ANKRD13B: variants seen among roughly 807,000 people sequenced by gnomAD.
The protein encoded by ANKRD13B is ankyrin repeat domain 13B, also known as ankyrin repeat domain-containing protein 13B.
Under a neutral mutation model 74.4 loss-of-function variants are expected in ANKRD13B, and 33 were observed. The observed-to-expected ratio is 0.44, with a 90% CI of 0.34 to 0.59. ANKRD13B has a LOEUF of 0.59. ANKRD13B is among the 20% of genes least tolerant of loss of function. ANKRD13B has a pLI of 0.02. For missense variants in ANKRD13B, 676 were observed against 877.9 expected, an observed-to-expected ratio of 0.77 and a Z score of 2.91; for synonymous variants, 341 against 362.9, an observed-to-expected ratio of 0.94 and a Z score of 0.68.
chr17:29,610,867 A>G (rs771782795), intron 8 of ANKRD13B, 101 bp downstream of exon 8: 25 of 1,165,648 alleles, frequency 2.1e-5, no homozygotes, highest in Non-Finnish European at 3.0e-5. Context: ...TCCTAGCAAG[A>G]GGCTGGATGC....
At chr17:29,604,124 C>A (rs1331915493) in intron 1 of ANKRD13B, among the ~76,000 whole-genome samples, 1 of 152,070 alleles carries the variant, frequency 6.6e-6, no homozygotes, top group Non-Finnish European at 1.5e-5. Context: ...TGATGTTAAG[C>A]ATCTGGATTT....
At chr17:29,601,332 G>A (rs1400648238) in intron 1 of ANKRD13B, among the ~76,000 whole-genome samples, 30 of 148,744 alleles carry the variant, frequency 2.0e-4, no homozygotes, top group Non-Finnish European at 1.5e-5. Flanking sequence ...AGCGATTCTT[G>A]TGCCTCAGCC....
chr17:29,613,148 T>C (rs1444338227), intron 14 of ANKRD13B, 185 bp downstream of exon 14: 4 of 1,155,940 alleles, frequency 3.5e-6, no homozygotes, highest in Admixed American at 2.6e-5. Context: ...ACCGCGGAGT[T>C]CAGACTCTCC....
At chr17:29,604,614 T>A (rs1002954740) in intron 1 of ANKRD13B, among the ~76,000 whole-genome samples, 1 of 151,884 alleles carries the variant, frequency 6.6e-6, no homozygotes, top group Non-Finnish European at 1.5e-5. Flanking sequence ...CAGTCTTGGC[T>A]CACTGCAACC....
Position 29,608,870 on chromosome 17 carries a change from C to A in ANKRD13B, c.441C>A (p.Ile147=). Residue 147 remains isoleucine (I), a synonymous_variant, in exon 5 of 15, where the codon ATC becomes ATA. Transcript: ENST00000394859. This position sits in a 1 kb window ranked among gnomAD's most constrained non-coding sequence, Gnocchi z 6.4. Reference sequence around the variant, plus strand: ...CACCAGTGCCCCTGGTGTCCAAGATCTGCCCTAGTGACACCTACAAAGTGT... The same window carrying A: ...CACCAGTGCCCCTGGTGTCCAAGATATGCCCTAGTGACACCTACAAAGTGT... ...FTSWVPLVSK[I]CPSDTYKVWK... is the part of the protein sequence containing the mutation. The A allele has an allele frequency of 6.2e-7, 1 of 1,614,146 alleles. No homozygotes were observed. Among genetic ancestry groups the A allele is most frequent in the Non-Finnish European group, 8.5e-7 (1 of 1,180,036 alleles).
intron 1 of ANKRD13B, among the ~76,000 whole-genome samples, chr17:29,601,225 T>C (rs1233029151): frequency 7.5e-6 from 1 of 132,882 alleles, no homozygotes; most frequent in African/African-American, 2.6e-5. Context: ...CCTGACATTC[T>C]TTTTTTTTTT....
rs761534372 is a variant in ANKRD13B at position 29,607,754 on chromosome 17, C to G, written c.127C>G (p.Gln43Glu). 9 of 1,599,238 alleles carry G rather than the reference C, an allele frequency of 5.6e-6. No individual in the cohort carries two copies. The highest frequency in any genetic ancestry group is 7.6e-6 in the Non-Finnish European group (9 of 1,179,146). Residue 43 changes from glutamine to glutamate, a missense_variant, in exon 2 of 15, where the codon CAG becomes GAG. Coordinates refer to ENST00000394859, the MANE Select transcript of ANKRD13B (RefSeq NM_152345.5). The stretch of plus-strand genomic sequence containing the variant: ...CCTCCTCCTCCAGGTGGACATCGAG[C>G]AGCTGGATCCCCGCGGCCGGACTCC... ...EVRAGQVDIE[Q>E]LDPRGRTPLH...
intron 1 of ANKRD13B, among the ~76,000 whole-genome samples, chr17:29,599,841 C>T (rs1000758550): frequency 7.2e-6 from 1 of 138,314 alleles, no homozygotes; most frequent in Non-Finnish European, 1.5e-5. Flanking sequence ...AGAGAATTTC[C>T]TCTGGGTTCT....
chr17:29,607,948 A>C, intron 2 of ANKRD13B, 38 bp from the exon 3 acceptor site: 1 of 1,580,172 alleles, frequency 6.3e-7, no homozygotes, highest in Non-Finnish European at 8.6e-7. Flanking sequence ...GGTTGGCTGA[A>C]GGGTCCTGCC....
chr17:29,611,485 C>T lies in ANKRD13B; in HGVS notation c.905-94C>T. 7.4e-7 allele frequency: 1 copy of T among 1,358,554 alleles called. No homozygotes were observed. The highest frequency in any genetic ancestry group is 1.0e-6 in the Non-Finnish European group (1 of 953,636). 84.2% of individuals were successfully genotyped at this position (1,358,554 alleles called of 1,614,324 possible). A position where few individuals can be genotyped will look rare whatever the true frequency, so the allele number is the denominator to read the frequency against. ...GAGCAGGCCCCACCCCAGGAACCGG[C>T]CTCCTCCCTAGGTCTTGGGTGCTGT... On this transcript the variant is annotated intron_variant, in intron 8 of 14. Coordinates refer to ENST00000394859, the MANE Select transcript of ANKRD13B (RefSeq NM_152345.5). The surrounding 1 kb of genome is among the most constrained non-coding windows in gnomAD (Gnocchi z 4.3).
At position 29,593,246 on chromosome 17, in the gene ANKRD13B, TCCCCGGGGCCCGCGTCCCGTGCGC is replaced by T. The variant is rs946220800; in HGVS notation, c.-370_-347del. On this transcript the variant is annotated 5_prime_UTR_variant, in exon 1 of 15. Coordinates refer to ENST00000394859, the MANE Select transcript of ANKRD13B (RefSeq NM_152345.5). ...GCGGGCGCGCGTCCCTGCGGCGGCG[TCCCCGGGGCCCGCGTCCCGTGCGC>T]CCCCGCGCCCGCTGCGGGCGCCTGC... Among the ~76,000 whole-genome samples the T allele has an allele frequency of 6.8e-6, 1 of 147,254 alleles. No homozygotes were observed. Among genetic ancestry groups the T allele is most frequent in the Non-Finnish European group, 1.5e-5 (1 of 66,296 alleles).
At position 29,608,334 on chromosome 17, in the gene ANKRD13B, C is replaced by T. The variant is rs527684286; in HGVS notation, c.421+94C>T. 1.0e-5 allele frequency: 16 copies of T among 1,536,330 alleles called. No homozygotes were observed. The highest frequency in any genetic ancestry group is 3.5e-5 in the South Asian group (3 of 85,060). On this transcript the variant is annotated intron_variant, in intron 4 of 14. Transcript: ENST00000394859. The surrounding 1 kb of genome is among the most constrained non-coding windows in gnomAD (Gnocchi z 6.4). ...GAATGTGTTCTCATAGTTCTTCCGG[C>T]GGTTCCCTCTATGCCTTAGCTCAGC...
At chr17:29,599,861 A>ATTTTT (rs1197088972) in intron 1 of ANKRD13B, among the ~76,000 whole-genome samples, 5 of 54,854 alleles carry the variant, frequency 9.1e-5, no homozygotes, top group African/African-American at 2.7e-4. Context: ...TTAGCATCTA[A>ATTTTT]TTTGTTTTTT....
rs762128942 is a variant in ANKRD13B, at chr17:29,611,643, G to A, written c.969G>A (p.Gly323=). ...IAEQHGGPQN[G]TLITQTLSQA... ...AGCAGCACGGGGGCCCCCAAAATGG[G>A]GTGAGTGTGTGCAGGGGTACCCGTA... The change falls in exon 9 of 15, where the codon GGG becomes GGA. Residue 323 remains glycine, a splice_region_variant and synonymous_variant. Transcript: ENST00000394859. This position sits in a 1 kb window ranked among gnomAD's most constrained non-coding sequence, Gnocchi z 4.3. 1 of 1,614,074 alleles carries A rather than the reference G, an allele frequency of 6.2e-7. No homozygotes were observed. Among genetic ancestry groups the A allele is most frequent in the South Asian group, 1.1e-5 (1 of 91,086 alleles).
rs1400073803 is a variant in ANKRD13B at position 29,610,687 on chromosome 17, G to A, written c.825G>A (p.Val275=). ...GCCCTTTCTTCATCTGTCCCCAGGT[G>A]TATGGGGCATCTAACGTGGAGCTCA... is the stretch of plus-strand genomic sequence containing the variant. The part of the protein sequence containing the change: ...TEMVNGYEAK[V]YGASNVELIT... Residue 275 remains valine (V), a splice_region_variant and synonymous_variant, in exon 8 of 15, where the codon GTG becomes GTA. Coordinates refer to ENST00000394859, the MANE Select transcript of ANKRD13B (RefSeq NM_152345.5). The A allele has an allele frequency of 3.1e-6, 5 of 1,613,934 alleles. No homozygotes were observed. In the South Asian group the frequency reaches 3.3e-5, roughly 11 times the overall value.
intron 1 of ANKRD13B, among the ~76,000 whole-genome samples, chr17:29,602,258 G>A (rs951971965): frequency 6.6e-6 from 1 of 152,168 alleles, no homozygotes; most frequent in Non-Finnish European, 1.5e-5. Context: ...AGCCGGGCGT[G>A]GTGGTGGGTG....
rs754555763 is a variant in ANKRD13B, at chr17:29,609,018, A to G, written c.565+24A>G. ...AGGTCAGGCAGGCAGGAAGTGGGGC[A>G]GGGTGGGGACGATGGGAGGCAGCCC... On this transcript the variant is annotated intron_variant, in intron 5 of 14. Coordinates refer to ENST00000394859, the MANE Select transcript of ANKRD13B (RefSeq NM_152345.5). This position sits in a 1 kb window ranked among gnomAD's most constrained non-coding sequence, Gnocchi z 4.0. The G allele has an allele frequency of 1.9e-6, 3 of 1,613,846 alleles. No homozygotes were observed. Among genetic ancestry groups the G allele is most frequent in the Non-Finnish European group, 1.7e-6 (2 of 1,180,004 alleles).
Position 29,609,619 on chromosome 17 carries a change from G to GCACACA in ANKRD13B, c.822+209_822+214dup, listed in dbSNP as rs140086609. 2.6e-5 allele frequency among the ~76,000 whole-genome samples: 4 copies of GCACACA among 151,628 alleles called. No individual in the cohort carries two copies. Among genetic ancestry groups the GCACACA allele is most frequent in the Non-Finnish European group, 5.9e-5 (4 of 67,828 alleles). On this transcript the variant is annotated intron_variant, in intron 7 of 14. Transcript: ENST00000394859. This position sits in a 1 kb window ranked among gnomAD's most constrained non-coding sequence, Gnocchi z 4.0. ...ATGTATACACAGGGCACGTGCACAC[G>GCACACA]CACACACACACACACATTTATTCCT...
intron 1 of ANKRD13B, among the ~76,000 whole-genome samples, chr17:29,606,560 A>C (rs957126607): frequency 3.3e-5 from 5 of 151,218 alleles, no homozygotes; most frequent in African/African-American, 1.2e-4. Flanking sequence ...TCTGTCTCAA[A>C]AAACAAACAA....
Sources: allele counts gnomAD v4.1 joint callset (sites outside exome capture counted in the v4.1 genomes callset), GRCh38; gene constraint gnomAD v4.1.1; non-coding constraint Gnocchi (gnomAD v3.1); transcripts MANE v1.5; gene names NCBI Gene and HGNC (gene_info 2026-07-23, HGNC 2026-07-21).